Variants in CASK observed in about 807,000 individuals in gnomAD.
CASK encodes calcium/calmodulin dependent serine protein kinase.
CASK carries 4 observed loss-of-function variants against 82.9 expected under a neutral mutation model. The ratio of observed to expected loss-of-function variants is 0.05; its 90% CI spans 0.02 to 0.11. The LOEUF (loss-of-function observed/expected upper bound fraction) is 0.11. Among genes scored for constraint, CASK ranks in the 10% least tolerant of loss-of-function variants. CASK has a pLI of 1.00. For synonymous variants in CASK, 259 were observed against 253.5 expected (o/e 1.02, Z -0.20); for missense variants, 358 against 720.9 (o/e 0.50, Z 5.76).
intron 15 of CASK, among the ~76,000 whole-genome samples, chrX:41,571,863 A>C (rs767528933): frequency 8.5e-4 from 95 of 111,618 alleles, no homozygotes; most frequent in Non-Finnish European, 1.6e-3. Context: ...ATTTTAATTC[A>C]TTACAAAATA....
At chrX:41,864,481 C>T (rs1001734192) in intron 1 of CASK, among the ~76,000 whole-genome samples, 1 of 111,741 alleles carries the variant, frequency 8.9e-6, no homozygotes, top group African/African-American at 3.3e-5. Flanking sequence ...CACTCCACCC[C>T]GTTGCCCATG....
intron 2 of CASK, among the ~76,000 whole-genome samples, chrX:41,845,584 T>C (rs1176206493): frequency 2.7e-5 from 3 of 111,800 alleles, no homozygotes; most frequent in African/African-American, 6.5e-5. Flanking sequence ...TTTCAACTTA[T>C]ATGTATTTTT....
At chrX:41,909,420 T>C (rs912116693) in intron 1 of CASK, among the ~76,000 whole-genome samples, 3 of 112,418 alleles carry the variant, frequency 2.7e-5, no homozygotes, top group African/African-American at 9.7e-5. Flanking sequence ...GACTTCAGTG[T>C]AAATTTATCA....
chrX:41,610,975 T>A (rs904577349), intron 11 of CASK, among the ~76,000 whole-genome samples: 1 of 112,290 alleles, frequency 8.9e-6, no homozygotes, highest in East Asian at 2.8e-4. Flanking sequence ...ATTGCACATT[T>A]AAGTCTTTGG....
rs781589624 is a variant in CASK at position 41,530,999 on chromosome X, G to A, written c.2520+8C>T. 1.2e-5 allele frequency: 15 copies of A among 1,201,193 alleles called. No homozygotes were observed. The South Asian group carries it at 2.3e-4, about 18-fold the overall frequency. On this transcript the variant is annotated splice_region_variant and intron_variant, in intron 25 of 26. Transcript: ENST00000378163. The stretch of plus-strand genomic sequence containing the variant: ...GGATGTCAGACATTCGGGGAGGCTG[G>A]GCATTACCTGAGGCTCCACGTCCAG...
intron 1 of CASK, among the ~76,000 whole-genome samples, chrX:41,907,175 T>G (rs1195399): frequency 0.19 from 21,643 of 111,923 alleles, 1,646 homozygotes; most frequent in Middle Eastern, 0.3. Context: ...TTTACTGAAA[T>G]AAATCAGGAA....
At chrX:41,722,007 T>A (rs904414594) in intron 5 of CASK, among the ~76,000 whole-genome samples, 2 of 112,370 alleles carry the variant, frequency 1.8e-5, no homozygotes, top group Non-Finnish European at 3.8e-5. Context: ...TGACTAAACA[T>A]CCTACTTCTG....
chrX:41,577,887 A>T (rs1232338565), intron 15 of CASK, among the ~76,000 whole-genome samples: 1 of 112,043 alleles, frequency 8.9e-6, no homozygotes, highest in African/African-American at 3.2e-5. Flanking sequence ...GTGTTACTCA[A>T]TTCTTTGAAT....
chrX:41,748,049 G>A (rs2068722695), intron 3 of CASK, among the ~76,000 whole-genome samples: 1 of 112,061 alleles, frequency 8.9e-6, no homozygotes, highest in African/African-American at 3.2e-5. Context: ...CATAGCGAAG[G>A]AATCAGTTTT....
At chrX:41,753,757 A>T (rs1053740041) in intron 3 of CASK, among the ~76,000 whole-genome samples, 2 of 111,199 alleles carry the variant, frequency 1.8e-5, no homozygotes, top group African/African-American at 6.5e-5. Flanking sequence ...ATGGCAGCAC[A>T]TGCCTGTAGT....
At chrX:41,621,122 T>TAAA (rs1294745037) in intron 11 of CASK, among the ~76,000 whole-genome samples, 1 of 100,053 alleles carries the variant, frequency 1.0e-5, no homozygotes, top group African/African-American at 3.6e-5. Context: ...TTGGCTGATT[T>TAAA]AAAAAAAAAA....
chrX:41,531,082 C>T lies in CASK; in HGVS notation c.2445G>A (p.Met815Ile). ...GGATGGTCTCCAGTTTTGTCCCATA[C>T]ATCGCATCCTCGTGGCTGCCGTACT... ...YLEYGSHEDAMYGTKLETIRK... is the reference protein window; with the variant it reads ...YLEYGSHEDAIYGTKLETIRK... Residue 815 changes from methionine (M) to isoleucine (I), a missense_variant, in exon 25 of 27, where the codon ATG (methionine) becomes ATA (isoleucine). Met to Ile is a conservative substitution (Grantham distance 10). This residue lies in a region of CASK where 118 missense variants were observed against 169.4 expected (regional missense o/e 0.70). Coordinates refer to ENST00000378163, the MANE Select transcript of CASK (RefSeq NM_001367721.1). 1.7e-6 allele frequency: 2 copies of T among 1,211,547 alleles called. No homozygotes were observed. The highest frequency in any genetic ancestry group is 1.1e-6 in the Non-Finnish European group (1 of 895,092).
At chrX:41,862,872 A>G (rs1437615043) in intron 1 of CASK, among the ~76,000 whole-genome samples, 2 of 112,127 alleles carry the variant, frequency 1.8e-5, no homozygotes, top group Admixed American at 1.9e-4. Flanking sequence ...TACTGGGTGA[A>G]TGATACCACC....
At chrX:41,650,303 A>G (rs372852291) in intron 8 of CASK, among the ~76,000 whole-genome samples, 1 of 111,383 alleles carries the variant, frequency 9.0e-6, no homozygotes, top group East Asian at 2.8e-4. Context: ...TTATGATGTT[A>G]GCTGGTTATT....
intron 1 of CASK, among the ~76,000 whole-genome samples, chrX:41,905,044 G>A (rs1225938119): frequency 8.9e-6 from 1 of 111,807 alleles, no homozygotes. Flanking sequence ...ATAGTGCTGT[G>A]ATGAACATAC....
At chrX:41,637,588 G>A (rs1402059529) in intron 8 of CASK, among the ~76,000 whole-genome samples, 1 of 103,425 alleles carries the variant, frequency 9.7e-6, no homozygotes, top group Non-Finnish European at 2.0e-5. Context: ...CCATTGTACT[G>A]CAGCTTAGGT....
chrX:41,715,739 C>A (rs1393126431), intron 5 of CASK, among the ~76,000 whole-genome samples: 1 of 111,963 alleles, frequency 8.9e-6, no homozygotes, highest in Non-Finnish European at 1.9e-5. Flanking sequence ...TAAACGGGTA[C>A]TGCAACAGTG....
At chrX:41,889,029 A>C (rs1460995809) in intron 1 of CASK, among the ~76,000 whole-genome samples, 1 of 109,932 alleles carries the variant, frequency 9.1e-6, no homozygotes, top group Non-Finnish European at 1.9e-5. Flanking sequence ...TGCTGGATCA[A>C]ACGGTAGATC....
chrX:41,840,144 T>C (rs902266578), intron 2 of CASK, among the ~76,000 whole-genome samples: 1 of 112,091 alleles, frequency 8.9e-6, no homozygotes, highest in Non-Finnish European at 1.9e-5. Flanking sequence ...ATGCTTGGGA[T>C]TGCACTGAAT....
Sources: gnomAD v4.1 joint callset for allele counts (sites outside exome capture counted in the v4.1 genomes callset) on GRCh38, gnomAD v4.1.1 for gene constraint, gnomAD v4.1.1 regional missense constraint, MANE v1.5 for transcripts, NCBI Gene and HGNC (gene_info 2026-07-23, HGNC 2026-07-21) for gene names.